TOX2: variants seen among roughly 807,000 people sequenced by gnomAD.
TOX2 encodes the protein granulosa cell HMG box 1.
A neutral mutation model predicts 47.4 loss-of-function variants in TOX2; 15 were observed. The observed-to-expected ratio is 0.32, with a 90% CI of 0.21 to 0.49. The LOEUF (loss-of-function observed/expected upper bound fraction) is 0.49, where lower values mean the gene tolerates loss of function less well. Ranked by LOEUF, TOX2 falls within the 20% of genes least tolerant of loss-of-function variation. The pLI, the probability that TOX2 is intolerant of heterozygous loss-of-function variation, is 0.99. For missense variants in TOX2, 622 were observed against 673.1 expected, an observed-to-expected ratio of 0.92 and a Z score of 0.84; for synonymous variants, 290 against 296.6, an observed-to-expected ratio of 0.98 and a Z score of 0.23.
intron 2 of TOX2, among the ~76,000 whole-genome samples, chr20:43,999,385 AG>A (rs1286905992): frequency 2.0e-5 from 3 of 152,172 alleles, no homozygotes; most frequent in Non-Finnish European, 2.9e-5. Flanking sequence ...AATTCATCAA[AG>A]TTTCAGGGCA....
chr20:43,955,248 G>A (rs2069647477), intron 1 of TOX2: 1 of 985,332 alleles, frequency 1.0e-6, no homozygotes, highest in Non-Finnish European at 1.2e-6. Flanking sequence ...CACGAGTTCT[G>A]GCTGAGAGCT....
intron 1 of TOX2, among the ~76,000 whole-genome samples, chr20:43,959,599 C>T (rs898387266): frequency 3.3e-5 from 5 of 152,228 alleles, no homozygotes; most frequent in African/African-American, 1.2e-4. Flanking sequence ...ACAACACGAG[C>T]CTTTTGTGGC....
intron 2 of TOX2, among the ~76,000 whole-genome samples, chr20:43,999,903 AAACC>A (rs1206604875): frequency 6.6e-6 from 1 of 152,236 alleles, no homozygotes; most frequent in Non-Finnish European, 1.5e-5. Flanking sequence ...GTGTAGAAAT[AAACC>A]AATACATCTA....
At position 43,916,040 on chromosome 20, in the gene TOX2, T is replaced by G; in HGVS notation, c.99+1050T>G. Reference sequence around the variant, plus strand: ...CCTTCGGTCGCCGGAGAGGGAACTTTCAAACTTAGTTAGGAAGCCAGACTG... The same window carrying G: ...CCTTCGGTCGCCGGAGAGGGAACTTGCAAACTTAGTTAGGAAGCCAGACTG... On this transcript the variant is annotated intron_variant, in intron 1 of 8. Transcript: ENST00000341197. This position sits in a 1 kb window ranked among gnomAD's most constrained non-coding sequence, Gnocchi z 5.0. 1 of 882,490 alleles carries G rather than the reference T, an allele frequency of 1.1e-6. No individual in the cohort carries two copies. Among genetic ancestry groups the G allele is most frequent in the Non-Finnish European group, 1.4e-6 (1 of 736,094 alleles). 54.7% of individuals were successfully genotyped at this position (882,490 alleles called of 1,614,324 possible). A position where few individuals can be genotyped will look rare whatever the true frequency, so the allele number is the denominator to read the frequency against.
chr20:43,915,816 T>C lies in TOX2; in HGVS notation c.99+826T>C, dbSNP rs1251575259. Reference sequence around the variant, plus strand: ...AGCCGGCGTCCCTCCAGGCTGGGGCTGTAGTGCCGGACACCCTCCCTCCTC... The same window carrying C: ...AGCCGGCGTCCCTCCAGGCTGGGGCCGTAGTGCCGGACACCCTCCCTCCTC... On this transcript the variant is annotated intron_variant, in intron 1 of 8. Coordinates refer to ENST00000341197, the MANE Select transcript of TOX2 (RefSeq NM_001098797.2). This position sits in a 1 kb window ranked among gnomAD's most constrained non-coding sequence, Gnocchi z 7.1. Among the ~76,000 whole-genome samples, 1 of 152,204 alleles carries C rather than the reference T, an allele frequency of 6.6e-6. No homozygotes were observed. Among genetic ancestry groups the C allele is most frequent in the African/African-American group, 2.4e-5 (1 of 41,450 alleles).
intron 1 of TOX2, among the ~76,000 whole-genome samples, chr20:43,957,798 A>G (rs2069692962): frequency 2.6e-5 from 4 of 152,154 alleles, no homozygotes. Flanking sequence ...GAGGTCTCAG[A>G]AAACTTACAA....
chr20:43,998,464 C>T (rs1980578), intron 2 of TOX2, among the ~76,000 whole-genome samples: 110,178 of 152,166 alleles, frequency 0.72, 40,912 homozygotes, highest in African/African-American at 0.89. Context: ...TGAATTGCGT[C>T]ATTCAGATCC....
At chr20:43,926,313 G>A (rs528300500) in intron 1 of TOX2, among the ~76,000 whole-genome samples, 2 of 152,302 alleles carry the variant, frequency 1.3e-5, no homozygotes, top group South Asian at 4.1e-4. Context: ...ACCTGAGATG[G>A]AAGTTCATTT....
intron 3 of TOX2, among the ~76,000 whole-genome samples, chr20:44,026,825 T>G (rs2071075309): frequency 1.3e-5 from 2 of 152,082 alleles, no homozygotes; most frequent in African/African-American, 4.8e-5. Context: ...TGGGCCTCCT[T>G]CCTTCTTCTG....
intron 2 of TOX2, among the ~76,000 whole-genome samples, chr20:43,997,773 ATC>A (rs1461367364): frequency 6.6e-6 from 1 of 152,052 alleles, no homozygotes; most frequent in Non-Finnish European, 1.5e-5. Flanking sequence ...TTCATTGTCC[ATC>A]TCTCATAAGT....
chr20:43,983,874 G>A (rs996055517), intron 2 of TOX2, among the ~76,000 whole-genome samples: 3 of 152,108 alleles, frequency 2.0e-5, no homozygotes, highest in Non-Finnish European at 4.4e-5. Flanking sequence ...GGCAGAGGAG[G>A]GTGAGGCTCT....
Position 44,064,673 on chromosome 20 carries a change from G to A in TOX2, c.880-104G>A, listed in dbSNP as rs73120192. 5.1e-4 allele frequency: 556 copies of A among 1,089,844 alleles called. 1 individual carries two copies. Among genetic ancestry groups the A allele is most frequent in the Non-Finnish European group, 4.9e-4 (359 of 736,036 alleles). The allele number at this position is 1,089,844 out of a possible 1,614,324, so 67.5% of individuals were successfully genotyped here. On this transcript the variant is annotated intron_variant, in intron 5 of 8. Coordinates refer to ENST00000341197, the MANE Select transcript of TOX2 (RefSeq NM_001098797.2). ...CTCAGCTTCTGACCCCACCACCCTC[G>A]TCCATTCGTGATCCTTGAATCCATG...
intron 2 of TOX2, among the ~76,000 whole-genome samples, chr20:44,006,077 C>T (rs1313686015): frequency 6.6e-6 from 1 of 152,172 alleles, no homozygotes; most frequent in African/African-American, 2.4e-5. Flanking sequence ...GTGTTGGGAG[C>T]ACAAGAGAAA....
At chr20:43,945,433 G>A (rs1314216372) in intron 1 of TOX2, among the ~76,000 whole-genome samples, 1 of 152,210 alleles carries the variant, frequency 6.6e-6, no homozygotes, top group East Asian at 1.9e-4. Flanking sequence ...TCTGTAACAA[G>A]CAACATCCTT....
intron 2 of TOX2, among the ~76,000 whole-genome samples, chr20:43,996,098 C>T (rs907734513): frequency 6.6e-6 from 1 of 152,160 alleles, no homozygotes; most frequent in Admixed American, 6.5e-5. Context: ...ATATTGCTTT[C>T]CACAATGGTT....
intron 4 of TOX2, among the ~76,000 whole-genome samples, 157 bp downstream of exon 4, chr20:44,051,702 G>A (rs945326443): frequency 6.6e-6 from 1 of 152,178 alleles, no homozygotes; most frequent in Non-Finnish European, 1.5e-5. Flanking sequence ...AGGCGTTCCT[G>A]GTGGCGGTTG....
At chr20:44,050,327 T>G (rs2071487902) in intron 3 of TOX2, among the ~76,000 whole-genome samples, 1 of 152,220 alleles carries the variant, frequency 6.6e-6, no homozygotes, top group Admixed American at 6.5e-5. Flanking sequence ...ACACTTGAGA[T>G]TTGATTCTTT....
intron 2 of TOX2, among the ~76,000 whole-genome samples, chr20:43,985,641 T>C (rs748281727): frequency 2.0e-5 from 3 of 152,156 alleles, no homozygotes; most frequent in Non-Finnish European, 2.9e-5. Context: ...GCTACTAAAA[T>C]CCCCATTTTA....
intron 3 of TOX2, among the ~76,000 whole-genome samples, chr20:44,019,882 G>T (rs1277235789): frequency 6.6e-6 from 1 of 152,198 alleles, no homozygotes; most frequent in Admixed American, 6.5e-5. Context: ...ACCCCAGGGA[G>T]TTGTGGAAAG....
Sources: allele counts gnomAD v4.1 joint callset (sites outside exome capture counted in the v4.1 genomes callset), GRCh38; gene constraint gnomAD v4.1.1; non-coding constraint Gnocchi (gnomAD v3.1); transcripts MANE v1.5; gene names NCBI Gene and HGNC (gene_info 2026-07-23, HGNC 2026-07-21).